Variants in HSD11B1 observed in about 807,000 individuals in gnomAD.
HSD11B1 encodes hydroxysteroid 11-beta dehydrogenase 1.
A neutral mutation model predicts 22.1 loss-of-function variants in HSD11B1; 15 were observed. The ratio of observed to expected loss-of-function variants is 0.68; its 90% CI spans 0.45 to 1.04. HSD11B1 has a LOEUF of 1.04. Among genes scored for constraint, HSD11B1 ranks in the 50% least tolerant of loss-of-function variants. HSD11B1 has a pLI of 0.00. For missense variants in HSD11B1, 281 were observed against 357.6 expected (o/e 0.79, Z 1.73); for synonymous variants, 122 against 125.2 (o/e 0.97, Z 0.17).
intron 1 of HSD11B1, 39 bp from the exon 2 acceptor site, chr1:209,705,772 A>G: frequency 6.2e-7 from 1 of 1,612,198 alleles, no homozygotes; most frequent in Non-Finnish European, 8.5e-7. Context: ...TTTGCTGCCA[A>G]CTTGGGTATG....
Position 209,714,685 on chromosome 1 carries a change from G to A in HSD11B1, c.517+7557G>A, listed in dbSNP as rs534910381. Among the ~76,000 whole-genome samples the A allele has an allele frequency of 2.2e-4, 33 of 152,174 alleles. 1 individual carries two copies. The South Asian group carries it at 6.2e-3, about 29-fold the overall frequency. On this transcript the variant is annotated intron_variant, in intron 4 of 5. Transcript: ENST00000367027. ...GTGTGGGACTGTCTGATGCATTGTCGAGCATTTTTTAGCATCCTTGGCTCT... is the reference window on the plus strand; with the variant it reads ...GTGTGGGACTGTCTGATGCATTGTCAAGCATTTTTTAGCATCCTTGGCTCT...
chr1:209,703,005 G>A (rs1183154540), upstream of HSD11B1, among the ~76,000 whole-genome samples: 2 of 152,172 alleles, frequency 1.3e-5, no homozygotes, highest in African/African-American at 2.4e-5. Flanking sequence ...GTTTAAATGT[G>A]TCTTTTGAGG....
intron 1 of HSD11B1, among the ~76,000 whole-genome samples, chr1:209,698,425 G>A (rs543966808): frequency 2.4e-4 from 37 of 152,272 alleles, no homozygotes; most frequent in Non-Finnish European, 3.2e-4. Context: ...ATGCCCACCT[G>A]GCTGGGGCTG....
intron 4 of HSD11B1, among the ~76,000 whole-genome samples, chr1:209,716,650 T>A (rs1266271620): frequency 1.3e-5 from 2 of 151,962 alleles, no homozygotes; most frequent in Admixed American, 6.6e-5. Context: ...ATACATTACC[T>A]GACTTGAAAA....
At chr1:209,730,347 T>A (rs760675352) in intron 4 of HSD11B1, among the ~76,000 whole-genome samples, 1 of 152,216 alleles carries the variant, frequency 6.6e-6, no homozygotes, top group African/African-American at 2.4e-5. Flanking sequence ...ACAAACTGAC[T>A]GCTACAATTC....
intron 1 of HSD11B1, among the ~76,000 whole-genome samples, chr1:209,686,901 T>C (rs2076731917): frequency 6.6e-6 from 1 of 152,214 alleles, no homozygotes; most frequent in Non-Finnish European, 1.5e-5. Context: ...CATGTGCTAT[T>C]CATCTATCCT....
At position 209,732,546 on chromosome 1, in the gene HSD11B1, A is replaced by G. The variant is rs1278618550; in HGVS notation, c.628A>G (p.Ile210Val). The G allele has an allele frequency of 6.2e-7, 1 of 1,613,984 alleles. No individual in the cohort carries two copies. Among genetic ancestry groups the G allele is most frequent in the Admixed American group, 1.7e-5 (1 of 60,002 alleles). The change falls in exon 5 of 6, where the codon ATC (isoleucine) becomes GTC (valine). Residue 210 changes from isoleucine (I) to valine (V), a missense_variant. Coordinates refer to ENST00000367027, the MANE Select transcript of HSD11B1 (RefSeq NM_005525.4). ...TTCAGTGTCCAGGGTCAATGTATCA[A>G]TCACTCTCTGTGTTCTTGGCCTCAT... Reference protein sequence around the residue: ...EYSVSRVNVSITLCVLGLIDT... With the variant: ...EYSVSRVNVSVTLCVLGLIDT...
rs1160768142 is a variant in HSD11B1 at position 209,706,800 on chromosome 1, C to T, written c.311C>T (p.Ala104Val). 6.2e-7 allele frequency: 1 copy of T among 1,613,868 alleles called. No homozygotes were observed. The change falls in exon 3 of 6, where the codon GCC (alanine) becomes GTC (valine). Residue 104 changes from alanine (A) to valine (V), a missense_variant. Transcript: ENST00000367027. The surrounding 1 kb of genome is among the most constrained non-coding windows in gnomAD (Gnocchi z 4.0). ...ATGACCTTCGCAGAGCAATTTGTTGCCCAAGCAGGAAAGCTCATGGGTGAG... is the reference window on the plus strand; with the variant it reads ...ATGACCTTCGCAGAGCAATTTGTTGTCCAAGCAGGAAAGCTCATGGGTGAG... The part of the protein sequence containing the change: ...EDMTFAEQFV[A>V]QAGKLMGGLD...
At chr1:209,711,801 G>A (rs1023437568) in intron 4 of HSD11B1, among the ~76,000 whole-genome samples, 2 of 152,162 alleles carry the variant, frequency 1.3e-5, no homozygotes, top group African/African-American at 4.8e-5. Context: ...GACAGAATCT[G>A]CTAGATTTAT....
In HSD11B1 at chr1:209,704,940, C is replaced by T. The variant is rs755762905; in HGVS notation, c.-3C>T. 14 of 1,612,750 alleles carry T rather than the reference C, an allele frequency of 8.7e-6. No homozygotes were observed. Among genetic ancestry groups the T allele is most frequent in the African/African-American group, 2.7e-5 (2 of 74,878 alleles). On this transcript the variant is annotated 5_prime_UTR_variant, in exon 1 of 6. Coordinates refer to ENST00000367027, the MANE Select transcript of HSD11B1 (RefSeq NM_005525.4). ...AGGAGTCTTCAGGCCAGCTCCCTGT[C>T]GGATGGCTTTTATGAAAAAATATCT...
At chr1:209,728,375 T>C (rs1305396462) in intron 4 of HSD11B1, among the ~76,000 whole-genome samples, 3 of 152,346 alleles carry the variant, frequency 2.0e-5, no homozygotes, top group African/African-American at 4.8e-5. Flanking sequence ...AATAATAGCA[T>C]TTTCTGAATG....
intron 4 of HSD11B1, among the ~76,000 whole-genome samples, chr1:209,724,493 G>A (rs1376798757): frequency 2.6e-5 from 4 of 152,170 alleles, no homozygotes; most frequent in African/African-American, 4.8e-5. Context: ...CCTTCAGAAC[G>A]TGGAAGCCTT....
chr1:209,702,412 C>A (rs1157408527), upstream of HSD11B1, among the ~76,000 whole-genome samples: 3 of 152,166 alleles, frequency 2.0e-5, no homozygotes, highest in African/African-American at 7.2e-5. Flanking sequence ...TAATCTATGT[C>A]CTCCAGGAGT....
intron 5 of HSD11B1, among the ~76,000 whole-genome samples, chr1:209,733,617 G>T (rs757472957): frequency 8.5e-5 from 13 of 152,108 alleles, no homozygotes; most frequent in Non-Finnish European, 1.9e-4. Context: ...ATATAAGGGG[G>T]TACGGCCTAC....
intron 1 of HSD11B1, among the ~76,000 whole-genome samples, chr1:209,692,612 G>GGGGGC (rs1553286722): frequency 8.8e-6 from 1 of 113,010 alleles, no homozygotes; most frequent in Non-Finnish European, 1.9e-5. Context: ...AATGGCGGGG[G>GGGGGC]GGGGGGTGGG....
chr1:209,719,360 C>T (rs1423128492), intron 4 of HSD11B1, among the ~76,000 whole-genome samples: 5 of 152,074 alleles, frequency 3.3e-5, no homozygotes, highest in East Asian at 1.9e-4. Context: ...ATTCCACTTA[C>T]GTGAAGTTCT....
chr1:209,733,136 C>T (rs997738698), intron 5 of HSD11B1, among the ~76,000 whole-genome samples: 12 of 152,112 alleles, frequency 7.9e-5, no homozygotes, highest in African/African-American at 2.7e-4. Context: ...ATGGCCATTA[C>T]GTTTCTATAT....
At chr1:209,714,837 T>C (rs991202670) in intron 4 of HSD11B1, among the ~76,000 whole-genome samples, 6 of 152,044 alleles carry the variant, frequency 3.9e-5, no homozygotes, top group Non-Finnish European at 5.9e-5. Context: ...CAGAGCAGGT[T>C]TGGGACATCA....
intron 4 of HSD11B1, among the ~76,000 whole-genome samples, chr1:209,724,611 C>A (rs559370732): frequency 2.6e-5 from 4 of 152,046 alleles, no homozygotes; most frequent in Admixed American, 6.6e-5. Flanking sequence ...TTTGACCAGG[C>A]CTTTTGACTC....
Sources: allele counts gnomAD v4.1 joint callset (sites outside exome capture counted in the v4.1 genomes callset), GRCh38; gene constraint gnomAD v4.1.1; non-coding constraint Gnocchi (gnomAD v3.1); transcripts MANE v1.5; gene names NCBI Gene and HGNC (gene_info 2026-07-23, HGNC 2026-07-21).